Variants in ZNF573 observed in about 807,000 individuals in gnomAD.
ZNF573 encodes zinc finger protein 573.
ZNF573 carries 41 observed loss-of-function variants against 57.4 expected under a neutral mutation model. That is an observed-to-expected ratio of 0.71 (90% CI 0.56 to 0.93). The LOEUF (loss-of-function observed/expected upper bound fraction) is 0.93, where lower values mean the gene tolerates loss of function less well. ZNF573 is among the 40% of genes least tolerant of loss of function. The pLI is 0.00. For missense variants in ZNF573, 730 were observed against 794.8 expected (o/e 0.92, Z 0.98); for synonymous variants, 249 against 261.0 (o/e 0.95, Z 0.44).
chr19:37,755,250 G>A (rs2045477036), intron 4 of ZNF573: 1 of 152,248 alleles, frequency 6.6e-6, no homozygotes, highest in South Asian at 2.1e-4. Context: ...TTACAGGCGT[G>A]AGCCACCGCA....
intron 3 of ZNF573, among the ~76,000 whole-genome samples, chr19:37,770,832 T>TTTTATATATATATATATATATATATA (rs1555745090): frequency 1.1e-5 from 1 of 93,750 alleles, no homozygotes; most frequent in African/African-American, 5.9e-5. Flanking sequence ...TTAAGTTATT[T>TTTTATATATATATATATATATATATA]TATATATATA....
intron 4 of ZNF573, among the ~76,000 whole-genome samples, chr19:37,768,541 AAT>A (rs1568423359): frequency 6.6e-6 from 1 of 152,140 alleles, no homozygotes; most frequent in African/African-American, 2.4e-5. Context: ...TCTCTTTCCA[AAT>A]ACTACTGCCC....
chr19:37,764,770 AC>A (rs2045586258), intron 4 of ZNF573, among the ~76,000 whole-genome samples: 1 of 147,856 alleles, frequency 6.8e-6, no homozygotes, highest in South Asian at 2.1e-4. Flanking sequence ...CGCCCGACAA[AC>A]TTTTTGTATT....
chr19:37,767,173 G>C (rs1022171046), intron 4 of ZNF573, among the ~76,000 whole-genome samples: 1 of 151,870 alleles, frequency 6.6e-6, no homozygotes, highest in African/African-American at 2.4e-5. Flanking sequence ...GTCACCTCCT[G>C]ACCTCAACCT....
chr19:37,769,613 C>G (rs1206627699), intron 4 of ZNF573, among the ~76,000 whole-genome samples: 1 of 150,726 alleles, frequency 6.6e-6, no homozygotes, highest in Non-Finnish European at 1.5e-5. Flanking sequence ...GTAATTCCAG[C>G]TACTCGGGAG....
intron 4 of ZNF573, among the ~76,000 whole-genome samples, chr19:37,743,224 G>A (rs960279794): frequency 2.0e-5 from 3 of 150,842 alleles, no homozygotes; most frequent in African/African-American, 7.3e-5. Flanking sequence ...GGAGGCTGAG[G>A]CAGGAGAATC....
intron 4 of ZNF573, among the ~76,000 whole-genome samples, chr19:37,750,368 G>A (rs2045421905): frequency 6.6e-6 from 1 of 152,140 alleles, no homozygotes; most frequent in African/African-American, 2.4e-5. Flanking sequence ...ACAGGCATGA[G>A]CCACTGCGCC....
At position 37,738,788 on chromosome 19, in the gene ZNF573, G is replaced by C. The variant is rs780905290; in HGVS notation, c.1702C>G (p.His568Asp). The part of the protein sequence containing the change: ...ECGKTFRRSS[H>D]LTAHQSIHAD... ...TGAATGCTCTGATGTGCAGTAAGGTGTGAACTACGTCTAAAGGTCTTCCCA... is the reference window on the plus strand; with the variant it reads ...TGAATGCTCTGATGTGCAGTAAGGTCTGAACTACGTCTAAAGGTCTTCCCA... The change falls in exon 5 of 5, where the codon CAC (histidine) becomes GAC (aspartate). Residue 568 changes from histidine to aspartate, a missense_variant. Coordinates refer to ENST00000536220, the MANE Select transcript of ZNF573 (RefSeq NM_001172690.2). 2 of 1,613,920 alleles carry C rather than the reference G, an allele frequency of 1.2e-6. No individual in the cohort carries two copies. Among genetic ancestry groups the C allele is most frequent in the Non-Finnish European group, 1.7e-6 (2 of 1,180,012 alleles).
chr19:37,741,511 C>T (rs929566510), intron 4 of ZNF573, among the ~76,000 whole-genome samples: 1 of 152,028 alleles, frequency 6.6e-6, no homozygotes, highest in African/African-American at 2.4e-5. Context: ...CCCTGGGATG[C>T]AAGGCTGGTT....
intron 4 of ZNF573, among the ~76,000 whole-genome samples, chr19:37,760,005 C>G (rs1399405804): frequency 6.6e-6 from 1 of 152,280 alleles, no homozygotes; most frequent in African/African-American, 2.4e-5. Flanking sequence ...TAAAGACTGA[C>G]ATTGTTCACA....
chr19:37,763,762 T>A (rs1406983020), intron 4 of ZNF573, among the ~76,000 whole-genome samples: 1 of 151,686 alleles, frequency 6.6e-6, no homozygotes, highest in Non-Finnish European at 1.5e-5. Context: ...GTTTTATGTG[T>A]CATAAAGAAT....
At chr19:37,740,697 C>A in intron 4 of ZNF573, 1 of 431,108 alleles carries the variant, frequency 2.3e-6, no homozygotes, top group Non-Finnish European at 4.6e-6. Context: ...TATCATAGTC[C>A]CTCTTTTCAA....
intron 4 of ZNF573, among the ~76,000 whole-genome samples, chr19:37,766,250 TCA>T (rs2045600994): frequency 6.9e-6 from 1 of 144,292 alleles, no homozygotes; most frequent in Non-Finnish European, 1.5e-5. Context: ...CTGCTAAAAA[TCA>T]CAGAGAGACA....
chr19:37,779,102 G>A (rs1022868946), intron 1 of ZNF573, among the ~76,000 whole-genome samples: 27 of 152,030 alleles, frequency 1.8e-4, no homozygotes, highest in Admixed American at 1.3e-3. Context: ...AGCAGCAGCC[G>A]GGAACCTACA....
At chr19:37,778,735 G>GA (rs894378431) in intron 1 of ZNF573, among the ~76,000 whole-genome samples, 2 of 152,046 alleles carry the variant, frequency 1.3e-5, no homozygotes, top group African/African-American at 2.4e-5. Flanking sequence ...CAGGGAGGGA[G>GA]AAAAAAATCA....
rs562156450 is a variant in ZNF573 at position 37,776,109 on chromosome 19, T to G, written c.-22-2358A>C. On this transcript the variant is annotated intron_variant, in intron 1 of 4. Transcript: ENST00000536220. ...AATTTCCATCAAAATACCATCACCA[T>G]TCTTCACAGAATTAGAAAAAACAAT... 8.5e-5 allele frequency among the ~76,000 whole-genome samples: 13 copies of G among 152,270 alleles called. No individual in the cohort carries two copies. In the South Asian group the frequency reaches 2.5e-3, roughly 29 times the overall value.
chr19:37,741,456 G>T (rs1007819598), intron 4 of ZNF573, among the ~76,000 whole-genome samples: 3 of 152,134 alleles, frequency 2.0e-5, no homozygotes, highest in Non-Finnish European at 4.4e-5. Context: ...TGTAGAGACA[G>T]GGTCTCACTG....
At position 37,738,509 on chromosome 19, in the gene ZNF573, T is replaced by C. The variant is rs2045282798; in HGVS notation, c.1981A>G (p.Arg661Gly). The C allele has an allele frequency of 6.5e-7, 1 of 1,539,288 alleles. No individual in the cohort carries two copies. Among genetic ancestry groups the C allele is most frequent in the Non-Finnish European group, 8.7e-7 (1 of 1,148,082 alleles). Residue 661 changes from arginine (R) to glycine (G), a missense_variant, in exon 5 of 5, where the codon AGG (arginine) becomes GGG (glycine). Physicochemically the swap from Arg to Gly is moderately radical, Grantham distance 125. Transcript: ENST00000536220. The part of the protein sequence containing the change: ...SALKAHQRIH[R>G]SIKV Reference sequence around the variant, plus strand: ...TTACGGTCTTACACTTTTATGCTCCTATGAATTCTCTGATGGGCTTTAAGG... The same window carrying C: ...TTACGGTCTTACACTTTTATGCTCCCATGAATTCTCTGATGGGCTTTAAGG...
intron 3 of ZNF573, among the ~76,000 whole-genome samples, chr19:37,770,868 A>ATG (rs2045652356): frequency 7.9e-6 from 1 of 126,710 alleles, no homozygotes; most frequent in African/African-American, 3.1e-5. Flanking sequence ...ATATATATAT[A>ATG]TATATTCCCC....
Sources: gnomAD v4.1 joint callset for allele counts (sites outside exome capture counted in the v4.1 genomes callset) on GRCh38, gnomAD v4.1.1 for gene constraint, MANE v1.5 for transcripts, NCBI Gene and HGNC (gene_info 2026-07-23, HGNC 2026-07-21) for gene names.